Variants in SHANK2 observed in about 807,000 individuals in gnomAD.
SHANK2 encodes SH3 and multiple ankyrin repeat domains 2.
In SHANK2, 43 loss-of-function variants were observed where a neutral mutation model predicts 133.7. The observed-to-expected ratio is 0.32, with a 90% CI of 0.25 to 0.41. SHANK2 has a LOEUF of 0.41. Ranked by LOEUF, SHANK2 falls within the 10% of genes least tolerant of loss-of-function variation. The probability of loss-of-function intolerance (pLI) is 1.00; values close to 1 mark genes in which losing one functional copy is unlikely to be tolerated. For missense variants in SHANK2, 1,994 were observed against 2,235.8 expected, an observed-to-expected ratio of 0.89 and a Z score of 2.18; for synonymous variants, 1,017 against 952.8, an observed-to-expected ratio of 1.07 and a Z score of -1.24.
chr11:70,780,616 C>T (rs1947461984), intron 14 of SHANK2, among the ~76,000 whole-genome samples: 2 of 151,410 alleles, frequency 1.3e-5, no homozygotes, highest in South Asian at 4.2e-4. Flanking sequence ...CTCTGTCACC[C>T]AGGCTGGAGT....
intron 12 of SHANK2, among the ~76,000 whole-genome samples, chr11:70,817,875 C>T (rs1565337936): frequency 1.3e-5 from 2 of 152,300 alleles, no homozygotes; most frequent in South Asian, 2.1e-4. Flanking sequence ...GCTGGGATTA[C>T]AGGCATGCGC....
chr11:71,118,794 C>A, intron 4 of SHANK2, 35 bp downstream of exon 4: 2 of 1,485,670 alleles, frequency 1.3e-6, no homozygotes, highest in Non-Finnish European at 1.8e-6. Context: ...GGCTGTGACA[C>A]AACCACAGTC....
intron 4 of SHANK2, among the ~76,000 whole-genome samples, chr11:71,116,818 C>CG (rs1287174933): frequency 2.6e-5 from 4 of 152,112 alleles, no homozygotes; most frequent in Non-Finnish European, 5.9e-5. Context: ...TGTTAGTTCA[C>CG]GGGGGAGCCA....
intron 14 of SHANK2, among the ~76,000 whole-genome samples, chr11:70,773,361 G>T (rs1484644190): frequency 6.6e-6 from 1 of 152,158 alleles, no homozygotes; most frequent in Non-Finnish European, 1.5e-5. Flanking sequence ...GTCAGAAGTG[G>T]GGGGAACAGG....
At chr11:71,204,293 T>C (rs781894238) in intron 2 of SHANK2, among the ~76,000 whole-genome samples, 15 of 152,210 alleles carry the variant, frequency 9.9e-5, no homozygotes, top group Admixed American at 2.6e-4. Context: ...ACATGGTAAC[T>C]GCGGCACCAG....
intron 17 of SHANK2, among the ~76,000 whole-genome samples, chr11:70,605,502 C>T (rs781962268): frequency 7.2e-5 from 11 of 152,382 alleles, no homozygotes; most frequent in South Asian, 2.1e-4. Context: ...GCGATTAGCA[C>T]GCTGGGACCA....
chr11:70,894,267 A>T (rs555805410), intron 11 of SHANK2, among the ~76,000 whole-genome samples: 1 of 152,206 alleles, frequency 6.6e-6, no homozygotes, highest in Admixed American at 6.5e-5. Flanking sequence ...GGCTCACTGC[A>T]ACCTCTGCCT....
intron 3 of SHANK2, among the ~76,000 whole-genome samples, chr11:71,123,164 A>G (rs560324127): frequency 1.8e-4 from 28 of 152,200 alleles, no homozygotes; most frequent in Admixed American, 1.8e-3. Context: ...TTCTTCACCT[A>G]CCCATCATTG....
chr11:70,579,408 C>T (rs1314336790), intron 17 of SHANK2, among the ~76,000 whole-genome samples: 2 of 152,274 alleles, frequency 1.3e-5, no homozygotes, highest in African/African-American at 4.8e-5. Flanking sequence ...GCTGGCACTA[C>T]ATCCCTTCCC....
At chr11:70,691,891 C>T (rs1266009056) in intron 15 of SHANK2, among the ~76,000 whole-genome samples, 4 of 152,098 alleles carry the variant, frequency 2.6e-5, no homozygotes, top group Admixed American at 2.0e-4. Context: ...AAAACTCTGT[C>T]TCAAAAATAA....
intron 17 of SHANK2, among the ~76,000 whole-genome samples, chr11:70,601,868 G>A (rs1000008210): frequency 1.3e-5 from 2 of 152,224 alleles, no homozygotes; most frequent in Non-Finnish European, 2.9e-5. Flanking sequence ...AAGCTGCCAG[G>A]TCTGAACCAG....
chr11:70,525,526 A>C (rs2059384372), intron 17 of SHANK2, among the ~76,000 whole-genome samples: 1 of 151,878 alleles, frequency 6.6e-6, no homozygotes, highest in South Asian at 2.1e-4. Flanking sequence ...GAGAGGTGAG[A>C]GAAAAGGGCA....
In SHANK2 at chr11:70,563,590, G is replaced by C. The variant is rs2059934572; in HGVS notation, c.2062-60659C>G. ...TTTTGCTTTTGTTGCCCAGGCTAGA[G>C]TGCAATGGTGTGATCTTGGCTCACC... On this transcript the variant is annotated intron_variant, in intron 17 of 25. Transcript: ENST00000601538. Among the ~76,000 whole-genome samples the C allele has an allele frequency of 2.0e-5, 3 of 146,846 alleles. No individual in the cohort carries two copies. In the Admixed American group the frequency reaches 2.1e-4, roughly 10 times the overall value.
intron 14 of SHANK2, among the ~76,000 whole-genome samples, chr11:70,754,874 T>C (rs1472650202): frequency 1.3e-5 from 2 of 152,104 alleles, no homozygotes; most frequent in African/African-American, 4.8e-5. Flanking sequence ...CTGCTTCAAA[T>C]ATCTAGATTT....
intron 17 of SHANK2, among the ~76,000 whole-genome samples, chr11:70,548,695 C>G (rs1170697327): frequency 6.6e-6 from 1 of 152,198 alleles, no homozygotes; most frequent in African/African-American, 2.4e-5. Context: ...AGTGTTACCC[C>G]CAAACCTATG....
intron 14 of SHANK2, among the ~76,000 whole-genome samples, chr11:70,712,789 G>T (rs1205791240): frequency 6.6e-6 from 1 of 152,246 alleles, no homozygotes; most frequent in Non-Finnish European, 1.5e-5. Flanking sequence ...CACATGCTCA[G>T]GGGGCCACGC....
chr11:70,710,304 G>C (rs1204228080), intron 14 of SHANK2, among the ~76,000 whole-genome samples: 1 of 152,196 alleles, frequency 6.6e-6, no homozygotes, highest in Non-Finnish European at 1.5e-5. Flanking sequence ...GAAGTCAAGG[G>C]TGAGCAACCA....
At chr11:71,090,568 C>T (rs1471531744) in intron 8 of SHANK2, among the ~76,000 whole-genome samples, 1 of 31,038 alleles carries the variant, frequency 3.2e-5, no homozygotes, top group Non-Finnish European at 5.5e-5. Context: ...GTGTGTGTGT[C>T]CTGCTGCTTC....
intron 1 of SHANK2, among the ~76,000 whole-genome samples, chr11:71,226,330 T>C (rs568891733): frequency 6.6e-6 from 1 of 152,104 alleles, no homozygotes; most frequent in East Asian, 1.9e-4. Context: ...GGGACAATAA[T>C]AAAATACCTA....
Sources: allele counts gnomAD v4.1 joint callset (sites outside exome capture counted in the v4.1 genomes callset), GRCh38; gene constraint gnomAD v4.1.1; transcripts MANE v1.5; gene names NCBI Gene and HGNC (gene_info 2026-07-23, HGNC 2026-07-21).